The following NELL2 variants were observed in gnomAD, a reference collection of about 807,000 sequenced individuals.
The protein encoded by NELL2 is protein kinase C-binding protein NELL2.
In NELL2, 41 loss-of-function variants were observed where a neutral mutation model predicts 109.6. The ratio of observed to expected loss-of-function variants is 0.37; its 90% CI spans 0.29 to 0.49. NELL2 has a LOEUF of 0.49. NELL2 is among the 20% of genes least tolerant of loss of function. The pLI is 0.98. For synonymous variants in NELL2, 355 were observed against 344.7 expected (o/e 1.03, Z -0.33); for missense variants, 900 against 1,008.3 (o/e 0.89, Z 1.45).
Position 44,523,501 on chromosome 12 carries a change from G to A in NELL2, c.1805-17C>T, listed in dbSNP as rs761818482. 1.2e-6 allele frequency: 2 copies of A among 1,609,896 alleles called. No individual in the cohort carries two copies. Among genetic ancestry groups the A allele is most frequent in the Non-Finnish European group, 1.7e-6 (2 of 1,179,260 alleles). On this transcript the variant is annotated splice_polypyrimidine_tract_variant and intron_variant, in intron 16 of 19. Coordinates refer to ENST00000429094, the MANE Select transcript of NELL2 (RefSeq NM_001145108.2). ...CATCAATATCTATAGACAAGAAAAA[G>A]CAGCACTCAATGTGCTTAGAATATG...
At chr12:44,545,368 G>T (rs1356841401) in intron 15 of NELL2, among the ~76,000 whole-genome samples, 2 of 152,036 alleles carry the variant, frequency 1.3e-5, no homozygotes, top group Non-Finnish European at 2.9e-5. Context: ...TTAAGAAAGG[G>T]TGCTACAAAG....
intron 1 of NELL2, among the ~76,000 whole-genome samples, chr12:44,891,562 A>T (rs1592707100): frequency 6.6e-6 from 1 of 152,092 alleles, no homozygotes; most frequent in African/African-American, 2.4e-5. Flanking sequence ...TTCATTCTTA[A>T]TTTTTAAAGT....
chr12:44,812,418 G>A (rs981610545), intron 3 of NELL2, among the ~76,000 whole-genome samples: 3 of 152,110 alleles, frequency 2.0e-5, no homozygotes, highest in Non-Finnish European at 4.4e-5. Context: ...AAGGCCATAT[G>A]AGAAATATGT....
intron 15 of NELL2, among the ~76,000 whole-genome samples, chr12:44,560,862 G>T (rs1474913223): frequency 6.6e-6 from 1 of 152,036 alleles, no homozygotes; most frequent in Non-Finnish European, 1.5e-5. Flanking sequence ...CCAAAACCTG[G>T]CAGAGACACA....
chr12:44,883,541 G>C (rs1224977887), intron 1 of NELL2, among the ~76,000 whole-genome samples: 1 of 152,012 alleles, frequency 6.6e-6, no homozygotes, highest in African/African-American at 2.4e-5. Flanking sequence ...ACATTCACAG[G>C]TTCTAGGGAT....
intron 2 of NELL2, among the ~76,000 whole-genome samples, chr12:44,820,143 G>A (rs556792047): frequency 1.4e-4 from 21 of 152,238 alleles, no homozygotes; most frequent in African/African-American, 4.6e-4. Flanking sequence ...ACAGAACACC[G>A]TTTGCTTCCA....
chr12:44,717,494 A>G (rs1592390252), intron 9 of NELL2, among the ~76,000 whole-genome samples: 1 of 152,190 alleles, frequency 6.6e-6, no homozygotes. Context: ...CTGAAATTCT[A>G]TGATTAAATA....
intron 13 of NELL2, among the ~76,000 whole-genome samples, chr12:44,645,569 A>G (rs895913351): frequency 1.3e-5 from 2 of 152,112 alleles, no homozygotes; most frequent in Admixed American, 6.5e-5. Context: ...GGAGAGAAAC[A>G]TTTTCTTATT....
intron 12 of NELL2, among the ~76,000 whole-genome samples, chr12:44,685,564 T>G (rs1228264367): frequency 2.0e-5 from 3 of 152,192 alleles, no homozygotes; most frequent in Non-Finnish European, 2.9e-5. Context: ...GGTTGTTCCT[T>G]TCCAATGTTT....
At chr12:44,597,338 T>A (rs1319420767) in intron 15 of NELL2, among the ~76,000 whole-genome samples, 1 of 152,210 alleles carries the variant, frequency 6.6e-6, no homozygotes, top group African/African-American at 2.4e-5. Context: ...GACTTTCATC[T>A]CCTGGAAAAC....
At chr12:44,627,119 C>T (rs1214636195) in intron 13 of NELL2, among the ~76,000 whole-genome samples, 1 of 152,118 alleles carries the variant, frequency 6.6e-6, no homozygotes, top group Non-Finnish European at 1.5e-5. Context: ...GTAATTACTG[C>T]TGCTGACAAT....
At chr12:44,628,109 G>A (rs1203846756) in intron 13 of NELL2, among the ~76,000 whole-genome samples, 1 of 151,766 alleles carries the variant, frequency 6.6e-6, no homozygotes, top group Non-Finnish European at 1.5e-5. Context: ...ACAAAAATGA[G>A]AAAAGAGGGC....
At chr12:44,734,495 G>A (rs1213263803) in intron 9 of NELL2, among the ~76,000 whole-genome samples, 2 of 151,598 alleles carry the variant, frequency 1.3e-5, no homozygotes, top group Non-Finnish European at 3.0e-5. Flanking sequence ...TAAATAAACT[G>A]TCTTATTTTG....
chr12:44,613,673 T>C (rs1326201192), intron 13 of NELL2, among the ~76,000 whole-genome samples: 1 of 152,132 alleles, frequency 6.6e-6, no homozygotes, highest in Non-Finnish European at 1.5e-5. Context: ...TATGAACTAA[T>C]GTAAACTGTG....
chr12:44,643,962 C>T (rs1946955503), intron 13 of NELL2, among the ~76,000 whole-genome samples: 3 of 152,064 alleles, frequency 2.0e-5, no homozygotes, highest in Admixed American at 1.3e-4. Flanking sequence ...AATGATTTCA[C>T]CAGGAAAACC....
At chr12:44,509,146 A>G (rs1233132265) in intron 19 of NELL2, among the ~76,000 whole-genome samples, 162 bp from the exon 20 acceptor site, 1 of 152,104 alleles carries the variant, frequency 6.6e-6, no homozygotes, top group Non-Finnish European at 1.5e-5. Flanking sequence ...ACTATTGCAG[A>G]CTCAATTATT....
At chr12:44,900,327 T>C (rs574895785) in intron 1 of NELL2, among the ~76,000 whole-genome samples, 9 of 152,138 alleles carry the variant, frequency 5.9e-5, no homozygotes, top group Non-Finnish European at 1.3e-4. Flanking sequence ...CAGCACCACA[T>C]CACACTTATT....
chr12:44,856,936 C>A (rs1217501164), intron 2 of NELL2, among the ~76,000 whole-genome samples: 1 of 152,046 alleles, frequency 6.6e-6, no homozygotes, highest in Non-Finnish European at 1.5e-5. Context: ...GAGGCTACTG[C>A]AGTAATCCAA....
chr12:44,616,227 T>G (rs1945820412), intron 13 of NELL2, among the ~76,000 whole-genome samples: 1 of 152,128 alleles, frequency 6.6e-6, no homozygotes, highest in African/African-American at 2.4e-5. Context: ...CAGAGAAACT[T>G]TCTTCTCTAA....
Sources: gnomAD v4.1 joint callset for allele counts (sites outside exome capture counted in the v4.1 genomes callset) on GRCh38, gnomAD v4.1.1 for gene constraint, MANE v1.5 for transcripts, NCBI Gene and HGNC (gene_info 2026-07-23, HGNC 2026-07-21) for gene names.